Variants in ZC3HAV1L observed in about 807,000 individuals in gnomAD.
ZC3HAV1L encodes the protein ZC3HAV1 like.
A neutral mutation model predicts 28.2 loss-of-function variants in ZC3HAV1L; 23 were observed. The ratio of observed to expected loss-of-function variants is 0.82; its 90% CI spans 0.59 to 1.16. The LOEUF (loss-of-function observed/expected upper bound fraction) is 1.16, where lower values mean the gene tolerates loss of function less well. Ranked by LOEUF, ZC3HAV1L falls within the 50% of genes most tolerant of loss-of-function variation. The pLI, the probability that ZC3HAV1L is intolerant of heterozygous loss-of-function variation, is 0.00. For synonymous variants in ZC3HAV1L, 180 were observed against 163.4 expected, an observed-to-expected ratio of 1.10 and a Z score of -0.78; for missense variants, 376 against 387.7, an observed-to-expected ratio of 0.97 and a Z score of 0.25.
chr7:139,035,690 G>T lies in ZC3HAV1L; in HGVS notation c.328C>A (p.Arg110=). ...QACDQLHFCR[R]HMLGKCPNRD... ...TTGGGGCACTTGCCCAGCATGTGCC[G>T]GCGGCAGAAGTGCAGCTGGTCGCAG... The change falls in exon 1 of 5, where the codon CGG becomes AGG. Residue 110 remains arginine, a synonymous_variant. Coordinates refer to ENST00000275766, the MANE Select transcript of ZC3HAV1L (RefSeq NM_080660.4). 2.0e-6 allele frequency: 3 copies of T among 1,477,834 alleles called. No homozygotes were observed. Among genetic ancestry groups the T allele is most frequent in the Non-Finnish European group, 2.7e-6 (3 of 1,123,554 alleles). 91.5% of individuals were successfully genotyped at this position (1,477,834 alleles called of 1,614,324 possible). A position where few individuals can be genotyped will look rare whatever the true frequency, so the allele number is the denominator to read the frequency against.
chr7:139,022,433 C>T (rs1222757575), downstream of ZC3HAV1L: 1 of 411,500 alleles, frequency 2.4e-6, no homozygotes, highest in Non-Finnish European at 4.9e-6. Flanking sequence ...ATAGTCCCGG[C>T]TACTAGGGAA....
intron 2 of ZC3HAV1L, among the ~76,000 whole-genome samples, chr7:139,032,823 AAAC>A (rs1356829392): frequency 1.3e-5 from 2 of 152,148 alleles, no homozygotes; most frequent in Non-Finnish European, 2.9e-5. Context: ...AAATATATTA[AAAC>A]ACCACATTGT....
Position 139,026,721 on chromosome 7 carries a change from C to T in ZC3HAV1L, c.873G>A (p.Lys291=). ...PLASVPAQSA[K]KPCPVSCEK Reference sequence around the variant, plus strand: ...TTTAAGGTTTACCTGGGCAGGGCTTCTTGGCCGACTGAGCAGGGACAGAAG... The same window carrying T: ...TTTAAGGTTTACCTGGGCAGGGCTTTTTGGCCGACTGAGCAGGGACAGAAG... The change falls in exon 4 of 5, where the codon AAG becomes AAA. Residue 291 remains lysine (K), a synonymous_variant. Coordinates refer to ENST00000275766, the MANE Select transcript of ZC3HAV1L (RefSeq NM_080660.4). 1 of 1,614,116 alleles carries T rather than the reference C, an allele frequency of 6.2e-7. No individual in the cohort carries two copies. Among genetic ancestry groups the T allele is most frequent in the Non-Finnish European group, 8.5e-7 (1 of 1,180,004 alleles).
chr7:139,035,337 A>G, intron 1 of ZC3HAV1L: 1 of 985,352 alleles, frequency 1.0e-6, no homozygotes, highest in Non-Finnish European at 1.2e-6. Flanking sequence ...TATCACCAGA[A>G]TAAGTGAGCT....
intron 2 of ZC3HAV1L, among the ~76,000 whole-genome samples, chr7:139,029,214 G>A (rs1584819174): frequency 6.6e-6 from 1 of 152,052 alleles, no homozygotes. Context: ...TGTTGGCCAG[G>A]CTGGTCTCCA....
downstream of ZC3HAV1L, chr7:139,022,368 A>G: frequency 2.3e-6 from 1 of 426,578 alleles, no homozygotes; most frequent in South Asian, 1.7e-5. Context: ...ACATAGTGAG[A>G]CCTTGTCTCT....
intron 3 of ZC3HAV1L, among the ~76,000 whole-genome samples, chr7:139,027,989 T>G (rs75816557): frequency 0.014 from 2,087 of 150,166 alleles, 34 homozygotes; most frequent in African/African-American, 0.05. Flanking sequence ...AGCCAAAAAT[T>G]ATATTTATGA....
At chr7:139,030,245 T>A (rs1298450328) in intron 2 of ZC3HAV1L, among the ~76,000 whole-genome samples, 1 of 151,596 alleles carries the variant, frequency 6.6e-6, no homozygotes, top group Non-Finnish European at 1.5e-5. Flanking sequence ...CAGGAGTTCA[T>A]AACAGCCTGG....
Position 139,029,001 on chromosome 7 carries a change from C to CT in ZC3HAV1L, c.502-42dup, listed in dbSNP as rs752489592. ...GGGAACACCTGAAATATTAGTTTTT[C>CT]TTTTTTTTTTGGCAGCGGGGAGATG... On this transcript the variant is annotated intron_variant, in intron 2 of 4. Transcript: ENST00000275766. 8,477 of 1,152,520 alleles carry CT rather than the reference C, an allele frequency of 7.4e-3. 9 individuals are homozygous for CT. The highest frequency in any genetic ancestry group is 0.02 in the African/African-American group (1,278 of 63,468). 71.4% of individuals were successfully genotyped at this position (1,152,520 alleles called of 1,614,324 possible).
intron 1 of ZC3HAV1L, chr7:139,035,091 C>G (rs374784593): frequency 1.0e-6 from 1 of 985,460 alleles, no homozygotes; most frequent in East Asian, 1.1e-4. Context: ...GAAGCACAGC[C>G]TGGGGTCAGG....
At chr7:139,032,442 G>A (rs1815561815) in intron 2 of ZC3HAV1L, among the ~76,000 whole-genome samples, 1 of 151,812 alleles carries the variant, frequency 6.6e-6, no homozygotes, top group African/African-American at 2.4e-5. Flanking sequence ...AGACCATCCT[G>A]GCTAACAAGG....
downstream of ZC3HAV1L, among the ~76,000 whole-genome samples, chr7:139,024,038 A>C (rs1815298513): frequency 6.6e-6 from 1 of 152,350 alleles, no homozygotes; most frequent in South Asian, 2.1e-4. Context: ...AGGAAATAAA[A>C]GCAGGAACAA....
Position 139,028,874 on chromosome 7 carries a change from G to A in ZC3HAV1L, c.588C>T (p.Ser196=). 1 of 1,614,190 alleles carries A rather than the reference G, an allele frequency of 6.2e-7. No individual in the cohort carries two copies. Among genetic ancestry groups the A allele is most frequent in the Non-Finnish European group, 8.5e-7 (1 of 1,180,032 alleles). The change falls in exon 3 of 5, where the codon TCC becomes TCT. Residue 196 remains serine, a synonymous_variant. Transcript: ENST00000275766. ...DKCNKFHVCK[S]FVKGECKLQT... The stretch of plus-strand genomic sequence containing the variant: ...GAAGTTTGCATTCTCCTTTCACAAA[G>A]GATTTGCACACATGAAACTTGTTGC...
Position 139,026,797 on chromosome 7 carries a change from A to C in ZC3HAV1L, c.797T>G (p.Leu266Arg). The change falls in exon 4 of 5, where the codon CTT becomes CGT. Residue 266 changes from leucine to arginine, a missense_variant. Physicochemically the swap from Leu to Arg is moderately radical, Grantham distance 102. Coordinates refer to ENST00000275766, the MANE Select transcript of ZC3HAV1L (RefSeq NM_080660.4). ...AGCTGCGTGCACTCCTTGCTTCTCA[A>C]GGCCTTGTGAATGCTCAGTCGAAGG... ...SSPSTEHSQG[L>R]EKQGVHAAGA... is the part of the protein sequence containing the mutation. The C allele has an allele frequency of 6.2e-7, 1 of 1,614,134 alleles. No individual in the cohort carries two copies. Among genetic ancestry groups the C allele is most frequent in the Non-Finnish European group, 8.5e-7 (1 of 1,179,994 alleles).
At chr7:139,023,720 C>T (rs927177915), downstream of ZC3HAV1L, among the ~76,000 whole-genome samples, 8 of 152,166 alleles carry the variant, frequency 5.3e-5, no homozygotes, top group African/African-American at 1.9e-4. Context: ...AACAGGGCTA[C>T]CATCACTGCA....
chr7:139,034,345 C>T (rs1563116128), intron 2 of ZC3HAV1L, among the ~76,000 whole-genome samples, 198 bp downstream of exon 2: 1 of 152,182 alleles, frequency 6.6e-6, no homozygotes, highest in Non-Finnish European at 1.5e-5. Context: ...GTTTTTAAAA[C>T]TTCTTTGTGT....
At position 139,035,801 on chromosome 7, in the gene ZC3HAV1L, C is replaced by T; in HGVS notation, c.217G>A (p.Gly73Ser). 8 of 1,488,126 alleles carry T rather than the reference C, an allele frequency of 5.4e-6. No individual in the cohort carries two copies. Among genetic ancestry groups the T allele is most frequent in the Non-Finnish European group, 4.4e-6 (5 of 1,127,946 alleles). The allele number at this position is 1,488,126 out of a possible 1,614,324, so 92.2% of individuals were successfully genotyped here. ...AEAEAAAGAV[G>S]GGGTSAWRVV... Reference sequence around the variant, plus strand: ...CTCCAGGCGGAGGTGCCGCCACCGCCCACCGCGCCGGCCGCCGCCTCGGCC... The same window carrying T: ...CTCCAGGCGGAGGTGCCGCCACCGCTCACCGCGCCGGCCGCCGCCTCGGCC... The change falls in exon 1 of 5, where the codon GGC becomes AGC. Residue 73 changes from glycine to serine, a missense_variant. By Grantham distance (56) the Gly-to-Ser change is moderately conservative. Transcript: ENST00000275766.
At chr7:139,029,017 C>A in intron 2 of ZC3HAV1L, 57 bp from the exon 3 acceptor site, 1 of 1,542,688 alleles carries the variant, frequency 6.5e-7, no homozygotes. Context: ...TTTTTGGCAG[C>A]GGGGAGATGG....
At chr7:139,032,679 AAAAT>A (rs1301261417) in intron 2 of ZC3HAV1L, among the ~76,000 whole-genome samples, 1 of 150,810 alleles carries the variant, frequency 6.6e-6, no homozygotes, top group African/African-American at 2.4e-5. Context: ...AAATAAATAA[AAAAT>A]AAAATAAAAT....
Sources: allele counts gnomAD v4.1 joint callset (sites outside exome capture counted in the v4.1 genomes callset), GRCh38; gene constraint gnomAD v4.1.1; transcripts MANE v1.5; gene names NCBI Gene and HGNC (gene_info 2026-07-23, HGNC 2026-07-21).